EIF4E3: variants seen among roughly 807,000 people sequenced by gnomAD.
EIF4E3 encodes eukaryotic translation initiation factor 4E family member 3.
EIF4E3 carries 26 observed loss-of-function variants against 31.7 expected under a neutral mutation model. The observed-to-expected ratio is 0.82, with a 90% CI of 0.60 to 1.14. The LOEUF is 1.14. EIF4E3 is among the 50% of genes most tolerant of loss of function. The pLI is 0.00. For missense variants in EIF4E3, 304 were observed against 270.9 expected (o/e 1.12, Z -0.86); for synonymous variants, 128 against 107.7 (o/e 1.19, Z -1.17).
At chr3:71,729,487 G>A (rs1004405893), upstream of EIF4E3, among the ~76,000 whole-genome samples, 1 of 152,108 alleles carries the variant, frequency 6.6e-6, no homozygotes, top group African/African-American at 2.4e-5. Context: ...AGAAAACCTG[G>A]GTCAAAGCTA....
the EIF4E3 span, among the ~76,000 whole-genome samples, chr3:71,663,244 C>G: frequency 4.6e-5 from 7 of 152,244 alleles, no homozygotes; most frequent in Non-Finnish European, 7.4e-5. Context: ...ATTTCTTTTA[C>G]ATTTTTGATT....
intron 2 of EIF4E3, among the ~76,000 whole-genome samples, chr3:71,708,396 A>G (rs1433291882): frequency 6.6e-6 from 1 of 152,146 alleles, no homozygotes; most frequent in African/African-American, 2.4e-5. Context: ...TGATGGTTGT[A>G]TGTGCGTACC....
At chr3:71,699,804 T>C in intron 2 of EIF4E3, 96 bp from the exon 3 acceptor site, 1 of 965,902 alleles carries the variant, frequency 1.0e-6, no homozygotes, top group Non-Finnish European at 1.6e-6. Flanking sequence ...AAAATTTTGA[T>C]TCTCATTGTT....
intron 1 of EIF4E3, among the ~76,000 whole-genome samples, chr3:71,720,940 A>G (rs1369019489): frequency 2.0e-5 from 3 of 152,212 alleles, no homozygotes; most frequent in Admixed American, 1.3e-4. Context: ...CTTGAGAGAA[A>G]GAAGATTCAA....
At chr3:71,696,808 C>T (rs540778055) in intron 3 of EIF4E3, among the ~76,000 whole-genome samples, 263 of 147,618 alleles carry the variant, frequency 1.8e-3, no homozygotes, top group African/African-American at 5.5e-3. Context: ...CTCTGCCTCC[C>T]GGGTTCACGC....
chr3:71,672,726 C>A (rs2048853660), downstream of EIF4E3, among the ~76,000 whole-genome samples: 1 of 152,134 alleles, frequency 6.6e-6, no homozygotes. Flanking sequence ...AGCAGTGGTG[C>A]CGAATCGAAC....
intron 1 of EIF4E3, among the ~76,000 whole-genome samples, chr3:71,719,913 C>T (rs2049520721): frequency 6.6e-6 from 1 of 151,878 alleles, no homozygotes; most frequent in South Asian, 2.1e-4. Flanking sequence ...ACTTGGGAGG[C>T]TGAGGTGGAG....
At chr3:71,691,645 T>A (rs1340761644) in intron 5 of EIF4E3, among the ~76,000 whole-genome samples, 1 of 152,220 alleles carries the variant, frequency 6.6e-6, no homozygotes, top group African/African-American at 2.4e-5. Context: ...GTATGCTTAC[T>A]TTGTGAATAT....
chr3:71,728,776 C>G (rs1318459349), upstream of EIF4E3: 1 of 152,268 alleles, frequency 6.6e-6, no homozygotes, highest in Non-Finnish European at 1.5e-5. Flanking sequence ...GGTCTGCTCC[C>G]CTGACAAGCT....
In EIF4E3 at chr3:71,683,938, CG is replaced by C. The variant is rs2048955681; in HGVS notation, c.*743del. 1 of 152,150 alleles carries C rather than the reference CG, an allele frequency of 6.6e-6. No individual in the cohort carries two copies. The highest frequency in any genetic ancestry group is 1.5e-5 in the Non-Finnish European group (1 of 68,028). The allele number at this position is 152,150 out of a possible 1,614,324, so 9.4% of individuals were successfully genotyped here. ...TGGTTGAAAAGGCCAAATTAAAATT[CG>C]GGTTAGAAATGTTTCCACAGAGGGT... On this transcript the variant is annotated 3_prime_UTR_variant, in exon 7 of 7. Transcript: ENST00000425534.
At chr3:71,663,295 A>G in the EIF4E3 span, among the ~76,000 whole-genome samples, 3 of 152,146 alleles carry the variant, frequency 2.0e-5, no homozygotes, top group Non-Finnish European at 4.4e-5. Context: ...TAATCGGGGA[A>G]ATTTTTTACC....
intron 2 of EIF4E3, among the ~76,000 whole-genome samples, chr3:71,702,361 C>T (rs1219257041): frequency 1.3e-5 from 2 of 152,146 alleles, no homozygotes; most frequent in Non-Finnish European, 2.9e-5. Flanking sequence ...TGGCAAACTT[C>T]AAGTCTCCTC....
intron 6 of EIF4E3, among the ~76,000 whole-genome samples, chr3:71,685,749 C>A (rs183279858): frequency 1.3e-5 from 2 of 152,298 alleles, no homozygotes; most frequent in Non-Finnish European, 2.9e-5. Flanking sequence ...CACAGGGAGA[C>A]CTACGAAATA....
Position 71,687,157 on chromosome 3 carries a change from C to T in EIF4E3, c.629-2429G>A, listed in dbSNP as rs756889051. Among the ~76,000 whole-genome samples, 34 of 152,156 alleles carry T rather than the reference C, an allele frequency of 2.2e-4. 2 individuals carry two copies. The highest frequency in any genetic ancestry group is 2.2e-4 in the Non-Finnish European group (15 of 68,030). ...CTGGGATTATAGGCACCTGCCACCA[C>T]GCCTGGCTAGCTTTTTATATTTTTA... On this transcript the variant is annotated intron_variant, in intron 6 of 6. Coordinates refer to ENST00000425534, the MANE Select transcript of EIF4E3 (RefSeq NM_001134651.2).
At chr3:71,735,646 A>T (rs948107268) in intron 1 of EIF4E3, among the ~76,000 whole-genome samples, 3 of 152,182 alleles carry the variant, frequency 2.0e-5, no homozygotes, top group African/African-American at 7.2e-5. Flanking sequence ...GTTGAAAAAC[A>T]CATGGCACAA....
chr3:71,663,630 T>C, the EIF4E3 span, among the ~76,000 whole-genome samples: 4 of 152,312 alleles, frequency 2.6e-5, no homozygotes, highest in East Asian at 7.7e-4. Flanking sequence ...AGGACCCCCA[T>C]CTGCAGGACA....
the EIF4E3 span, among the ~76,000 whole-genome samples, chr3:71,661,399 T>G: frequency 6.6e-6 from 1 of 152,184 alleles, no homozygotes; most frequent in Non-Finnish European, 1.5e-5. Context: ...AGTGTGCAAC[T>G]GCTTAGGCCA....
chr3:71,677,920 G>C lies in EIF4E3; in HGVS notation c.*6762C>G, dbSNP rs1028122743. On this transcript the variant is annotated 3_prime_UTR_variant, in exon 7 of 7. Transcript: ENST00000425534. ...CTAAAACGGAACCATTCTTAATAGA[G>C]GGTAAAGAAAAAGAATTAAAATAAG... 1 of 152,082 alleles carries C rather than the reference G, an allele frequency of 6.6e-6. No individual in the cohort carries two copies. Among genetic ancestry groups the C allele is most frequent in the Non-Finnish European group, 1.5e-5 (1 of 68,018 alleles). 9.4% of individuals were successfully genotyped at this position (152,082 alleles called of 1,614,324 possible).
chr3:71,718,549 G>C (rs765801233), intron 1 of EIF4E3, among the ~76,000 whole-genome samples: 8 of 152,202 alleles, frequency 5.3e-5, no homozygotes, highest in Non-Finnish European at 1.0e-4. Flanking sequence ...GCAGTGTTAA[G>C]AGTTTACGAC....
Sources: allele counts gnomAD v4.1 joint callset (sites outside exome capture counted in the v4.1 genomes callset), GRCh38; gene constraint gnomAD v4.1.1; transcripts MANE v1.5; gene names NCBI Gene and HGNC (gene_info 2026-07-23, HGNC 2026-07-21).